Variants in ITGA1 observed in about 807,000 individuals in gnomAD.
ITGA1 encodes integrin subunit alpha 1, also known as integrin alpha-1.
ITGA1 carries 85 observed loss-of-function variants against 145.9 expected under a neutral mutation model. The observed-to-expected ratio is 0.58, with a 90% CI of 0.49 to 0.70. The LOEUF is 0.70. ITGA1 is among the 30% of genes least tolerant of loss of function. The probability of loss-of-function intolerance (pLI) is 0.00; values close to 1 mark genes in which losing one functional copy is unlikely to be tolerated. For missense variants in ITGA1, 1,351 were observed against 1,418.7 expected (o/e 0.95, Z 0.77); for synonymous variants, 520 against 495.3 (o/e 1.05, Z -0.66).
In ITGA1 at chr5:52,909,045, A is replaced by G; in HGVS notation, c.1599+4A>G. 2 of 1,608,000 alleles carry G rather than the reference A, an allele frequency of 1.2e-6. No individual in the cohort carries two copies. The highest frequency in any genetic ancestry group is 1.7e-6 in the Non-Finnish European group (2 of 1,178,282). On this transcript the variant is annotated splice_donor_region_variant and intron_variant, in intron 13 of 28. Coordinates refer to ENST00000282588, the MANE Select transcript of ITGA1 (RefSeq NM_181501.2). ...GTATGTGTATGCTCTCAATCAGGTA[A>G]TGGTGTCTGAGTTTGGTAGAAATCC...
chr5:52,827,658 T>C (rs1456631206), intron 1 of ITGA1, among the ~76,000 whole-genome samples: 7 of 152,150 alleles, frequency 4.6e-5, no homozygotes, highest in African/African-American at 1.7e-4. Context: ...TTCTGAGAAA[T>C]TGCCAGAGCC....
At chr5:52,800,451 C>T (rs11547951) in intron 1 of ITGA1, 2 of 1,614,030 alleles carry the variant, frequency 1.2e-6, no homozygotes, top group Admixed American at 3.3e-5. Flanking sequence ...TGACCCTGGT[C>T]CCCGAGGAGC....
At chr5:52,895,056 G>A (rs1202058855) in intron 9 of ITGA1, among the ~76,000 whole-genome samples, 1 of 151,990 alleles carries the variant, frequency 6.6e-6, no homozygotes, top group African/African-American at 2.4e-5. Flanking sequence ...TACATGTGAT[G>A]CACTGTGATG....
chr5:52,957,913 T>A lies in ITGA1; in HGVS notation c.*5462T>A, dbSNP rs1751325948. 6.6e-6 allele frequency: 1 copy of A among 152,240 alleles called. No individual in the cohort carries two copies. Among genetic ancestry groups the A allele is most frequent in the South Asian group, 2.1e-4 (1 of 4,830 alleles). 9.4% of individuals were successfully genotyped at this position (152,240 alleles called of 1,614,324 possible). ...TTGTAGGAACTCTTTTGCAATAGACTGAGATCCAATGTTTAAATCTTTTTA... is the reference window on the plus strand; with the variant it reads ...TTGTAGGAACTCTTTTGCAATAGACAGAGATCCAATGTTTAAATCTTTTTA... On this transcript the variant is annotated 3_prime_UTR_variant, in exon 29 of 29. Coordinates refer to ENST00000282588, the MANE Select transcript of ITGA1 (RefSeq NM_181501.2).
chr5:52,801,785 T>C lies in ITGA1; in HGVS notation c.61+13371T>C, dbSNP rs1404088986. The C allele has an allele frequency of 1.9e-6, 3 of 1,613,910 alleles. No homozygotes were observed. In the Admixed American group the frequency reaches 5.0e-5, roughly 27 times the overall value. On this transcript the variant is annotated intron_variant, in intron 1 of 28. Transcript: ENST00000282588. The stretch of plus-strand genomic sequence containing the variant: ...ACTGGGGTAGCTGCCATTCTCCGCT[T>C]CCCTGTTCCCGAACTTTCTGACCAA...
At chr5:52,800,622 T>C in intron 1 of ITGA1, 1 of 1,613,936 alleles carries the variant, frequency 6.2e-7, no homozygotes, top group South Asian at 1.1e-5. Context: ...ACTTCGACTC[T>C]CAAGCCTGCC....
intron 20 of ITGA1, among the ~76,000 whole-genome samples, chr5:52,928,423 T>G (rs1474720509): frequency 1.3e-5 from 2 of 152,116 alleles, no homozygotes; most frequent in African/African-American, 4.8e-5. Flanking sequence ...ATTGCCTTAT[T>G]GAGATATAAT....
At chr5:52,789,303 C>A (rs1046895059) in intron 1 of ITGA1, among the ~76,000 whole-genome samples, 16 of 152,166 alleles carry the variant, frequency 1.1e-4, no homozygotes, top group Non-Finnish European at 5.9e-5. Flanking sequence ...AAGAAAATCA[C>A]CTTATTAATG....
chr5:52,800,966 A>G, intron 1 of ITGA1: 1 of 1,614,238 alleles, frequency 6.2e-7, no homozygotes, highest in Non-Finnish European at 8.5e-7. Context: ...CAGGTGGTCC[A>G]GGCTATCCAG....
At chr5:52,852,249 G>C (rs1214264136) in intron 2 of ITGA1, among the ~76,000 whole-genome samples, 1 of 152,116 alleles carries the variant, frequency 6.6e-6, no homozygotes, top group African/African-American at 2.4e-5. Context: ...CAGGAGCTTG[G>C]ACCTAAGATG....
chr5:52,852,036 A>G (rs1443636320), intron 2 of ITGA1, among the ~76,000 whole-genome samples: 1 of 152,202 alleles, frequency 6.6e-6, no homozygotes, highest in Non-Finnish European at 1.5e-5. Context: ...ACAGGAGGAG[A>G]TGATTCTTGG....
chr5:52,853,272 C>T (rs1749456294), intron 2 of ITGA1, among the ~76,000 whole-genome samples: 1 of 152,130 alleles, frequency 6.6e-6, no homozygotes, highest in Non-Finnish European at 1.5e-5. Context: ...CTAAAGAAAT[C>T]TGGGATCTGG....
intron 1 of ITGA1, among the ~76,000 whole-genome samples, chr5:52,788,772 T>A (rs888336570): frequency 6.6e-6 from 1 of 152,118 alleles, no homozygotes; most frequent in African/African-American, 2.4e-5. Flanking sequence ...TGGCATGGGA[T>A]GGGAGGGTGA....
chr5:52,893,883 C>A, intron 9 of ITGA1, 43 bp downstream of exon 9: 6 of 1,438,812 alleles, frequency 4.2e-6, no homozygotes, highest in Non-Finnish European at 4.8e-6. Context: ...CTCTGCAATT[C>A]AAAATCAGTA....
chr5:52,802,999 T>C (rs1748518155), intron 1 of ITGA1: 1 of 152,228 alleles, frequency 6.6e-6, no homozygotes, highest in Non-Finnish European at 1.5e-5. Flanking sequence ...ATGGAATTGC[T>C]TCTTGACCTT....
At chr5:52,883,433 G>T (rs1023690363) in intron 7 of ITGA1, among the ~76,000 whole-genome samples, 21 of 152,198 alleles carry the variant, frequency 1.4e-4, no homozygotes, top group African/African-American at 4.8e-4. Context: ...GTGGGACACA[G>T]AGTTTATTGA....
At chr5:52,950,675 AC>A (rs1561258897) in intron 28 of ITGA1, among the ~76,000 whole-genome samples, 1 of 152,132 alleles carries the variant, frequency 6.6e-6, no homozygotes, top group African/African-American at 2.4e-5. Context: ...TCTCTTAAAA[AC>A]CCATGTTAAT....
Position 52,881,990 on chromosome 5 carries a change from A to T in ITGA1, c.742A>T (p.Thr248Ser). 6.2e-7 allele frequency: 1 copy of T among 1,613,422 alleles called. No homozygotes were observed. Among genetic ancestry groups the T allele is most frequent in the Non-Finnish European group, 8.5e-7 (1 of 1,179,660 alleles). ...KKIVQRGGRQTMTALGIDTAR... is the reference protein window; with the variant it reads ...KKIVQRGGRQSMTALGIDTAR... ...AATAGTCCAGAGAGGTGGCCGCCAGACTATGACAGCTCTTGGAATAGACAC... is the reference window on the plus strand; with the variant it reads ...AATAGTCCAGAGAGGTGGCCGCCAGTCTATGACAGCTCTTGGAATAGACAC... The change falls in exon 7 of 29, where the codon ACT (threonine) becomes TCT (serine). Residue 248 changes from threonine (T) to serine (S), a missense_variant. Coordinates refer to ENST00000282588, the MANE Select transcript of ITGA1 (RefSeq NM_181501.2).
At chr5:52,864,143 C>G (rs957176761) in intron 3 of ITGA1, 2 of 152,128 alleles carry the variant, frequency 1.3e-5, no homozygotes, top group Admixed American at 1.3e-4. Context: ...GAAAGTGAAA[C>G]TTCTTGCCAA....
Sources: allele counts gnomAD v4.1 joint callset (sites outside exome capture counted in the v4.1 genomes callset), GRCh38; gene constraint gnomAD v4.1.1; transcripts MANE v1.5; gene names NCBI Gene and HGNC (gene_info 2026-07-23, HGNC 2026-07-21).